DLG2: variants seen among roughly 807,000 people sequenced by gnomAD.
DLG2 encodes discs large MAGUK scaffold protein 2.
DLG2 carries 45 observed loss-of-function variants against 132.5 expected under a neutral mutation model. The observed-to-expected ratio is 0.34, with a 90% CI of 0.27 to 0.44. DLG2 has a LOEUF of 0.44. DLG2 is among the 20% of genes least tolerant of loss of function. DLG2 has a pLI of 1.00. For missense variants in DLG2, 1,045 were observed against 1,196.9 expected, an observed-to-expected ratio of 0.87 and a Z score of 1.87; for synonymous variants, 424 against 419.6, an observed-to-expected ratio of 1.01 and a Z score of -0.13.
intron 18 of DLG2, among the ~76,000 whole-genome samples, chr11:83,772,135 C>T (rs974014116): frequency 2.6e-4 from 39 of 152,130 alleles, no homozygotes; most frequent in South Asian, 1.7e-3. Flanking sequence ...AGGCCGGGTG[C>T]GGTGGCTCAT....
chr11:84,854,220 A>C (rs1438949261), intron 6 of DLG2, among the ~76,000 whole-genome samples: 3 of 152,012 alleles, frequency 2.0e-5, no homozygotes, highest in Non-Finnish European at 4.4e-5. Flanking sequence ...GCATCAAATC[A>C]CTGGCCCTCT....
chr11:84,894,216 G>GT (rs771821689), intron 6 of DLG2, among the ~76,000 whole-genome samples: 1 of 152,066 alleles, frequency 6.6e-6, no homozygotes, highest in Admixed American at 6.6e-5. Flanking sequence ...CAAGACTTTA[G>GT]TTTTTATTTA....
At chr11:85,624,315 A>C (rs1197905021) in intron 2 of DLG2, among the ~76,000 whole-genome samples, 1 of 152,224 alleles carries the variant, frequency 6.6e-6, no homozygotes, top group African/African-American at 2.4e-5. Flanking sequence ...TCAGTAAAAG[A>C]ATCTCCTCTC....
chr11:84,703,881 T>C (rs182592051), intron 6 of DLG2, among the ~76,000 whole-genome samples: 2,186 of 122,736 alleles, frequency 0.018, 98 homozygotes, highest in African/African-American at 0.072. Flanking sequence ...TATATATATA[T>C]ATACACGTGT....
intron 19 of DLG2, among the ~76,000 whole-genome samples, chr11:83,587,026 T>C (rs2097097809): frequency 6.6e-6 from 1 of 152,240 alleles, no homozygotes; most frequent in South Asian, 2.1e-4. Flanking sequence ...CTTCTAGTTA[T>C]GTGGCTATGA....
chr11:83,702,022 G>T (rs1186707144), intron 18 of DLG2, among the ~76,000 whole-genome samples: 1 of 152,152 alleles, frequency 6.6e-6, no homozygotes, highest in Non-Finnish European at 1.5e-5. Flanking sequence ...AGATAATTTT[G>T]TGCTTTCTTT....
intron 7 of DLG2, among the ~76,000 whole-genome samples, chr11:84,405,255 T>C (rs951377581): frequency 6.6e-6 from 1 of 152,232 alleles, no homozygotes; most frequent in South Asian, 2.1e-4. Flanking sequence ...GCAGCTGTAG[T>C]ATTCTTTCCA....
intron 8 of DLG2, among the ~76,000 whole-genome samples, chr11:84,180,960 T>C (rs540798787): frequency 5.3e-5 from 8 of 151,668 alleles, no homozygotes; most frequent in African/African-American, 1.7e-4. Flanking sequence ...GTCAGAAACA[T>C]TGATCTACAT....
At chr11:83,846,648 T>A (rs1213712325) in intron 16 of DLG2, among the ~76,000 whole-genome samples, 2 of 152,178 alleles carry the variant, frequency 1.3e-5, no homozygotes, top group East Asian at 3.9e-4. Context: ...AATCTTAGAA[T>A]TAGGCACACA....
At chr11:84,179,212 T>G (rs1490810311) in intron 8 of DLG2, among the ~76,000 whole-genome samples, 1 of 152,098 alleles carries the variant, frequency 6.6e-6, no homozygotes, top group East Asian at 1.9e-4. Context: ...ACTGAAATAA[T>G]AAATTTGCTA....
At chr11:84,886,346 A>G (rs530563325) in intron 6 of DLG2, among the ~76,000 whole-genome samples, 2 of 152,266 alleles carry the variant, frequency 1.3e-5, no homozygotes, top group Admixed American at 6.5e-5. Context: ...AGAAACAACA[A>G]GATCATTTTC....
chr11:84,323,176 C>A (rs2098414042), intron 7 of DLG2, among the ~76,000 whole-genome samples: 1 of 152,056 alleles, frequency 6.6e-6, no homozygotes, highest in South Asian at 2.1e-4. Flanking sequence ...TAAAAGTCTA[C>A]ACCCATTGAA....
At chr11:84,718,876 T>C (rs2061500273) in intron 6 of DLG2, among the ~76,000 whole-genome samples, 2 of 152,200 alleles carry the variant, frequency 1.3e-5, no homozygotes, top group African/African-American at 4.8e-5. Flanking sequence ...CTTCGGGGTT[T>C]CCAAAGGAAC....
At chr11:85,552,175 A>T (rs1165585285) in intron 3 of DLG2, among the ~76,000 whole-genome samples, 1 of 151,212 alleles carries the variant, frequency 6.6e-6, no homozygotes, top group Non-Finnish European at 1.5e-5. Flanking sequence ...GAGTGCTGTG[A>T]GTAGAAAAGA....
intron 3 of DLG2, among the ~76,000 whole-genome samples, chr11:85,299,924 C>A (rs1020974444): frequency 2.0e-5 from 3 of 152,194 alleles, no homozygotes; most frequent in Admixed American, 6.5e-5. Flanking sequence ...CATACATTAT[C>A]TTCTTTGCTA....
chr11:84,916,755 G>C (rs1238231765), intron 6 of DLG2, among the ~76,000 whole-genome samples: 1 of 152,104 alleles, frequency 6.6e-6, no homozygotes, highest in East Asian at 1.9e-4. Context: ...ATCTCACTGG[G>C]AAAGTCCTAC....
At chr11:83,554,704 A>T (rs138815921) in intron 19 of DLG2, among the ~76,000 whole-genome samples, 6 of 152,338 alleles carry the variant, frequency 3.9e-5, no homozygotes, top group Admixed American at 1.3e-4. Flanking sequence ...CTTGGAGCAG[A>T]AGATGTTCCA....
intron 4 of DLG2, among the ~76,000 whole-genome samples, chr11:85,199,276 G>A (rs1055851233): frequency 6.6e-6 from 1 of 152,122 alleles, no homozygotes; most frequent in African/African-American, 2.4e-5. Context: ...TCATTATATT[G>A]AGCAAGATAA....
At position 83,760,744 on chromosome 11, in the gene DLG2, C is replaced by A. The variant is rs146571400; in HGVS notation, c.1825+25946G>T. ...AAACTGTCTCCAAATAGATCAGTCA[C>A]AAATCCAGTCCCTTCTTTCCATTTC... On this transcript the variant is annotated intron_variant, in intron 18 of 27. Transcript: ENST00000376104. Among the ~76,000 whole-genome samples, 23 of 152,264 alleles carry A rather than the reference C, an allele frequency of 1.5e-4. 1 individual carries two copies. The East Asian group carries it at 3.7e-3, about 24-fold the overall frequency.
Sources: allele counts gnomAD v4.1 joint callset (sites outside exome capture counted in the v4.1 genomes callset), GRCh38; gene constraint gnomAD v4.1.1; transcripts MANE v1.5; gene names NCBI Gene and HGNC (gene_info 2026-07-23, HGNC 2026-07-21).